Variants in RTN4 observed in about 807,000 individuals in gnomAD.
RTN4 encodes the protein reticulon-4.
RTN4 carries 32 observed loss-of-function variants against 90.4 expected under a neutral mutation model. The observed-to-expected ratio is 0.35, with a 90% CI of 0.27 to 0.48. The LOEUF is 0.48. Among genes scored for constraint, RTN4 ranks in the 20% least tolerant of loss-of-function variants. The probability of loss-of-function intolerance (pLI) is 0.99; values close to 1 mark genes in which losing one functional copy is unlikely to be tolerated. For synonymous variants in RTN4, 629 were observed against 552.5 expected (o/e 1.14, Z -1.94); for missense variants, 1,706 against 1,430.2 (o/e 1.19, Z -3.11).
At chr2:55,015,741 C>G (rs1200471028) in intron 3 of RTN4, among the ~76,000 whole-genome samples, 1 of 152,160 alleles carries the variant, frequency 6.6e-6, no homozygotes, top group Non-Finnish European at 1.5e-5. Context: ...TAGTAGATAA[C>G]TCTAGGAAAC....
At chr2:55,065,642 G>A (rs981050599) in intron 2 of RTN4, among the ~76,000 whole-genome samples, 22 of 151,972 alleles carry the variant, frequency 1.4e-4, no homozygotes, top group Non-Finnish European at 2.4e-4. Flanking sequence ...GAGAACCCAC[G>A]TTGAACAAAA....
At chr2:55,066,049 C>G (rs1366650370) in intron 2 of RTN4, among the ~76,000 whole-genome samples, 3 of 152,116 alleles carry the variant, frequency 2.0e-5, no homozygotes, top group Admixed American at 6.5e-5. Flanking sequence ...ATGGTACATT[C>G]TCCAATAGAC....
At chr2:55,039,739 A>G (rs973917244) in intron 1 of RTN4, among the ~76,000 whole-genome samples, 2 of 152,242 alleles carry the variant, frequency 1.3e-5, no homozygotes, top group Admixed American at 6.5e-5. Context: ...AACTTACACC[A>G]CTGCACTCCA....
chr2:54,997,317 T>A (rs1294162603), intron 3 of RTN4, among the ~76,000 whole-genome samples: 1 of 152,060 alleles, frequency 6.6e-6, no homozygotes, highest in South Asian at 2.1e-4. Flanking sequence ...TACCACTTCA[T>A]ACCCCCTAGG....
chr2:55,026,544 G>C lies in RTN4; in HGVS notation c.1555C>G (p.Leu519Val). The C allele has an allele frequency of 1.2e-6, 2 of 1,613,626 alleles. No homozygotes were observed. Among genetic ancestry groups the C allele is most frequent in the Non-Finnish European group, 1.7e-6 (2 of 1,179,892 alleles). ...GTCTCAGAATCCTGTGCTGCTACAA[G>C]AAAAGGGTTTGATGTTTTGGTGCTA... is the stretch of plus-strand genomic sequence containing the variant. ...NTSTKTSNPF[L>V]VAAQDSETDY... Residue 519 changes from leucine (L) to valine (V), a missense_variant, in exon 3 of 9, where the codon CTT becomes GTT. Physicochemically the swap from Leu to Val is conservative, Grantham distance 32. Transcript: ENST00000337526.
intron 2 of RTN4, among the ~76,000 whole-genome samples, chr2:55,068,486 C>A (rs1427464802): frequency 2.0e-5 from 3 of 151,944 alleles, no homozygotes; most frequent in Admixed American, 6.6e-5. Flanking sequence ...TACAGGTCTT[C>A]CAAAATTCAA....
At chr2:55,005,180 A>C (rs986909261) in intron 3 of RTN4, among the ~76,000 whole-genome samples, 2 of 152,196 alleles carry the variant, frequency 1.3e-5, no homozygotes, top group African/African-American at 4.8e-5. Flanking sequence ...TTGAAAAGTA[A>C]GTAAAGGAAA....
chr2:55,046,333 C>T (rs1667724479), intron 1 of RTN4, among the ~76,000 whole-genome samples: 1 of 151,884 alleles, frequency 6.6e-6, no homozygotes, highest in Admixed American at 6.6e-5. Flanking sequence ...TGTTAGAGAC[C>T]CCCAATGATC....
At position 54,987,581 on chromosome 2, in the gene RTN4, G is replaced by T; in HGVS notation, c.3131C>A (p.Ala1044Asp). The change falls in exon 4 of 9, where the codon GCC (alanine) becomes GAC (aspartate). Residue 1044 changes from alanine to aspartate, a missense_variant. By Grantham distance (126) the Ala-to-Asp change is moderately radical. Transcript: ENST00000337526. ...GATGGTCACAGAGAGCAGGGCCAAG[G>T]CAATGTAGGCTGTTACGCTCACAAT... Reference protein sequence around the residue: ...FSIVSVTAYIALALLSVTISF... With the variant: ...FSIVSVTAYIDLALLSVTISF... 1 of 1,614,162 alleles carries T rather than the reference G, an allele frequency of 6.2e-7. No individual in the cohort carries two copies. Among genetic ancestry groups the T allele is most frequent in the Non-Finnish European group, 8.5e-7 (1 of 1,179,994 alleles).
chr2:55,016,709 C>T (rs1247967432), intron 3 of RTN4, among the ~76,000 whole-genome samples: 4 of 152,170 alleles, frequency 2.6e-5, no homozygotes, highest in African/African-American at 9.7e-5. Context: ...TGCTTTTCTA[C>T]ATTTTTCAAA....
chr2:55,042,789 C>T (rs1371851086), intron 1 of RTN4, among the ~76,000 whole-genome samples: 1 of 152,166 alleles, frequency 6.6e-6, no homozygotes, highest in East Asian at 1.9e-4. Flanking sequence ...ATCTAAGGCA[C>T]TGCAATGCAG....
At chr2:55,084,283 C>T (rs1291678696) in intron 1 of RTN4, among the ~76,000 whole-genome samples, 1 of 150,868 alleles carries the variant, frequency 6.6e-6, no homozygotes, top group East Asian at 1.9e-4. Context: ...CTGGCTGTTC[C>T]TGAGTTGCAT....
At chr2:54,997,670 C>T (rs914972395) in intron 3 of RTN4, among the ~76,000 whole-genome samples, 5 of 152,062 alleles carry the variant, frequency 3.3e-5, no homozygotes, top group African/African-American at 1.2e-4. Context: ...TATTATTAGG[C>T]CATAAAACGA....
chr2:55,077,755 A>G (rs1056385287), intron 2 of RTN4, among the ~76,000 whole-genome samples: 1 of 91,274 alleles, frequency 1.1e-5, no homozygotes, highest in African/African-American at 5.0e-5. Context: ...AAAATGTTTT[A>G]TACACACACA....
chr2:55,099,981 T>G (rs556787754), intron 1 of RTN4, among the ~76,000 whole-genome samples: 26 of 152,242 alleles, frequency 1.7e-4, no homozygotes, highest in Non-Finnish European at 3.2e-4. Context: ...GACTTACATT[T>G]TATTCATATC....
intron 1 of RTN4, among the ~76,000 whole-genome samples, chr2:55,089,448 C>T (rs187308262): frequency 7.0e-4 from 107 of 152,190 alleles, no homozygotes; most frequent in Non-Finnish European, 1.9e-4. Flanking sequence ...TGTGACTTGT[C>T]TACTTCTACA....
chr2:55,087,116 A>T (rs1242418446), intron 1 of RTN4, among the ~76,000 whole-genome samples: 2 of 152,192 alleles, frequency 1.3e-5, no homozygotes, highest in Non-Finnish European at 2.9e-5. Flanking sequence ...CAATTTATTC[A>T]TCTGGTCATC....
At chr2:55,085,290 T>G (rs564248456) in intron 1 of RTN4, among the ~76,000 whole-genome samples, 39 of 151,268 alleles carry the variant, frequency 2.6e-4, no homozygotes, top group African/African-American at 9.2e-4. Flanking sequence ...TGTGTGGGGG[T>G]GTGTGTGTAT....
intron 5 of RTN4, among the ~76,000 whole-genome samples, chr2:54,976,932 C>T (rs1056425369): frequency 3.3e-5 from 5 of 152,128 alleles, no homozygotes; most frequent in African/African-American, 1.2e-4. Context: ...GGAAGGAGGC[C>T]TAAAATGTAA....
Sources: gnomAD v4.1 joint callset for allele counts (sites outside exome capture counted in the v4.1 genomes callset) on GRCh38, gnomAD v4.1.1 for gene constraint, MANE v1.5 for transcripts, NCBI Gene and HGNC (gene_info 2026-07-23, HGNC 2026-07-21) for gene names.